Variants in USP24 observed in about 807,000 individuals in gnomAD.
The protein encoded by USP24 is ubiquitin carboxyl-terminal hydrolase 24.
In USP24, 97 loss-of-function variants were observed where a neutral mutation model predicts 361.6. The observed-to-expected ratio is 0.27, with a 90% CI of 0.23 to 0.32. The LOEUF (loss-of-function observed/expected upper bound fraction) is 0.32. USP24 is among the 10% of genes least tolerant of loss of function. The probability of loss-of-function intolerance (pLI) is 1.00; values close to 1 mark genes in which losing one functional copy is unlikely to be tolerated. For synonymous variants in USP24, 1,098 were observed against 1,124.6 expected, an observed-to-expected ratio of 0.98 and a Z score of 0.47; for missense variants, 2,353 against 3,165.6, an observed-to-expected ratio of 0.74 and a Z score of 6.16.
intron 8 of USP24, among the ~76,000 whole-genome samples, chr1:55,161,046 C>G (rs1175159250): frequency 6.6e-6 from 1 of 151,986 alleles, no homozygotes; most frequent in Non-Finnish European, 1.5e-5. Flanking sequence ...GCAGGATTAC[C>G]TTGACATCTA....
chr1:55,110,854 A>G (rs1339520078), intron 38 of USP24, among the ~76,000 whole-genome samples: 1 of 152,156 alleles, frequency 6.6e-6, no homozygotes, highest in African/African-American at 2.4e-5. Flanking sequence ...CAACTACTTC[A>G]CTTTTAACTT....
At chr1:55,123,359 C>T in intron 36 of USP24, 88 bp downstream of exon 36, 1 of 1,385,272 alleles carries the variant, frequency 7.2e-7, no homozygotes, top group East Asian at 2.6e-5. Context: ...ACCAATGGGA[C>T]CTTATCTAGG....
At position 55,214,927 on chromosome 1, in the gene USP24, T is replaced by G. The variant is rs1569863396; in HGVS notation, c.187A>C (p.Ser63Arg). The G allele has an allele frequency of 1.5e-6, 2 of 1,361,138 alleles. No homozygotes were observed. Among genetic ancestry groups the G allele is most frequent in the South Asian group, 1.6e-5 (1 of 61,992 alleles). The allele number at this position is 1,361,138 out of a possible 1,614,324, so 84.3% of individuals were successfully genotyped here. A position where few individuals can be genotyped will look rare whatever the true frequency, so the allele number is the denominator to read the frequency against. ...YEPMDSGGGP[S>R]PGPGGGPRGD... ...CGCGGGCCCCCGCCGGGCCCGGGGCTGGGGCCACCGCCGCTGTCCATGGGC... is the reference window on the plus strand; with the variant it reads ...CGCGGGCCCCCGCCGGGCCCGGGGCGGGGGCCACCGCCGCTGTCCATGGGC... Residue 63 changes from serine to arginine, a missense_variant, in exon 1 of 68, where the codon AGC becomes CGC. Physicochemically the swap from Ser to Arg is moderately radical, Grantham distance 110. Coordinates refer to ENST00000294383, the MANE Select transcript of USP24 (RefSeq NM_015306.3).
intron 32 of USP24, among the ~76,000 whole-genome samples, chr1:55,127,730 T>C (rs1416440906): frequency 6.6e-6 from 1 of 152,220 alleles, no homozygotes; most frequent in East Asian, 1.9e-4. Context: ...CCAGCACCTG[T>C]TGTTTCCTGA....
At chr1:55,122,649 G>A (rs1282405227) in intron 36 of USP24, among the ~76,000 whole-genome samples, 1 of 152,062 alleles carries the variant, frequency 6.6e-6, no homozygotes, top group Middle Eastern at 3.2e-3. Flanking sequence ...GGTGTTAAGG[G>A]GTAGAATCTA....
chr1:55,110,036 T>C (rs1055922478), intron 39 of USP24, 149 bp downstream of exon 39: 2 of 578,664 alleles, frequency 3.5e-6, no homozygotes, highest in African/African-American at 1.9e-5. Flanking sequence ...CAGGTTTATA[T>C]GCTATTTTCA....
At chr1:55,185,988 A>C (rs1644120241) in intron 1 of USP24, among the ~76,000 whole-genome samples, 1 of 152,216 alleles carries the variant, frequency 6.6e-6, no homozygotes, top group South Asian at 2.1e-4. Context: ...AGCATAAACC[A>C]CCAAAACTGA....
chr1:55,107,477 T>A, intron 39 of USP24, 47 bp from the exon 40 acceptor site: 2 of 1,489,086 alleles, frequency 1.3e-6, no homozygotes, highest in Non-Finnish European at 1.8e-6. Flanking sequence ...AGGATTTCCC[T>A]TTATGGAGTC....
chr1:55,082,054 G>T (rs1341031787), intron 58 of USP24, among the ~76,000 whole-genome samples: 1 of 152,234 alleles, frequency 6.6e-6, no homozygotes, highest in Non-Finnish European at 1.5e-5. Flanking sequence ...AGCACGTGAT[G>T]CTGTCAGTAC....
At chr1:55,202,949 T>C (rs814082) in intron 1 of USP24, among the ~76,000 whole-genome samples, 99,999 of 152,152 alleles carry the variant, frequency 0.66, 36,194 homozygotes, top group East Asian at 0.91. Flanking sequence ...CACTTTTGAG[T>C]GTGAGTACAG....
At chr1:55,121,344 T>C (rs1034557863) in intron 37 of USP24, 92 bp downstream of exon 37, 3 of 1,174,722 alleles carry the variant, frequency 2.6e-6, no homozygotes. Flanking sequence ...TCAATGCCAC[T>C]CCTGTATTCC....
chr1:55,075,668 C>CAA, intron 62 of USP24, 145 bp from the exon 63 acceptor site: 5 of 6,724 alleles, frequency 7.4e-4, no homozygotes, highest in East Asian at 0.012. Context: ...AACAACAACA[C>CAA]CACCACCACC....
At chr1:55,107,522 C>A (rs985728470) in intron 39 of USP24, 92 bp from the exon 40 acceptor site, 149 of 1,346,802 alleles carry the variant, frequency 1.1e-4, no homozygotes, top group Middle Eastern at 4.2e-4. Flanking sequence ...AGTCAAGCCC[C>A]AATCTTTCAC....
At chr1:55,095,148 T>C in intron 51 of USP24, 107 bp downstream of exon 51, 1 of 1,270,958 alleles carries the variant, frequency 7.9e-7, no homozygotes, top group Non-Finnish European at 1.0e-6. Flanking sequence ...TTTTAGAATT[T>C]CTCTCCAGCT....
chr1:55,103,944 G>T lies in USP24; in HGVS notation c.4957C>A (p.Gln1653Lys). ...MLADSSPSNL[Q>K]IIIKELLSMH... ...GAAAGCAGTTCTTTTATAATAATTT[G>T]AAGATTTGAAGGTGAACTATCAGCC... is the stretch of plus-strand genomic sequence containing the variant. The change falls in exon 42 of 68, where the codon CAA becomes AAA. Residue 1653 changes from glutamine to lysine, a missense_variant. Gln to Lys is a moderately conservative substitution (Grantham distance 53, BLOSUM62 1). Transcript: ENST00000294383. The T allele has an allele frequency of 6.2e-7, 1 of 1,611,930 alleles. No individual in the cohort carries two copies. Among genetic ancestry groups the T allele is most frequent in the Non-Finnish European group, 8.5e-7 (1 of 1,178,940 alleles).
intron 1 of USP24, among the ~76,000 whole-genome samples, chr1:55,183,717 A>G (rs1644042633): frequency 6.6e-6 from 1 of 152,220 alleles, no homozygotes; most frequent in Non-Finnish European, 1.5e-5. Flanking sequence ...GGTTTGCAGA[A>G]TGAATTTTTA....
At chr1:55,106,331 CT>C (rs1645772475) in intron 40 of USP24, 68 bp from the exon 41 acceptor site, 10 of 1,276,196 alleles carry the variant, frequency 7.8e-6, no homozygotes, top group Non-Finnish European at 1.1e-5. Flanking sequence ...CTATCTTGCA[CT>C]TTCTTATCAG....
At chr1:55,078,880 T>G (rs2100417106) in intron 60 of USP24, among the ~76,000 whole-genome samples, 1 of 147,614 alleles carries the variant, frequency 6.8e-6, no homozygotes, top group Middle Eastern at 3.7e-3. Context: ...GTCGTTTCCA[T>G]CAGTTTTTCA....
chr1:55,215,104 CCGATT>C lies in USP24; in HGVS notation c.5_9del (p.Glu2GlyfsTer32), dbSNP rs1644956710. ...AGCGTGGTCATGTGCTGCTCCTCCT[CCGATT>C]CCATGGCTTGGGCCTCCTGGCCGCC... On this transcript the variant is annotated frameshift_variant, in exon 1 of 68. Transcript: ENST00000294383. LOFTEE classifies it high-confidence loss of function. 1 of 1,300,026 alleles carries C rather than the reference CCGATT, an allele frequency of 7.7e-7. No homozygotes were observed. The allele number at this position is 1,300,026 out of a possible 1,614,324, so 80.5% of individuals were successfully genotyped here.
Sources: allele counts gnomAD v4.1 joint callset (sites outside exome capture counted in the v4.1 genomes callset), GRCh38; gene constraint gnomAD v4.1.1; transcripts MANE v1.5; gene names NCBI Gene and HGNC (gene_info 2026-07-23, HGNC 2026-07-21).